The following ENOX1 variants were observed in gnomAD, a reference collection of about 807,000 sequenced individuals.
The protein encoded by ENOX1 is ecto-NOX disulfide-thiol exchanger 1.
A neutral mutation model predicts 82.5 loss-of-function variants in ENOX1; 42 were observed. That is an observed-to-expected ratio of 0.51 (90% CI 0.40 to 0.66). The LOEUF (loss-of-function observed/expected upper bound fraction) is 0.66, where lower values mean the gene tolerates loss of function less well. Ranked by LOEUF, ENOX1 falls within the 30% of genes least tolerant of loss-of-function variation. The pLI is 0.00. For missense variants in ENOX1, 608 were observed against 811.6 expected (o/e 0.75, Z 3.05); for synonymous variants, 271 against 282.2 (o/e 0.96, Z 0.40).
intron 2 of ENOX1, among the ~76,000 whole-genome samples, chr13:43,640,577 A>T (rs993233234): frequency 6.6e-6 from 1 of 152,194 alleles, no homozygotes; most frequent in Non-Finnish European, 1.5e-5. Context: ...TAAAGTAGTT[A>T]CTTGAGTAAT....
At chr13:43,504,089 A>G (rs550299883) in intron 2 of ENOX1, among the ~76,000 whole-genome samples, 1 of 151,964 alleles carries the variant, frequency 6.6e-6, no homozygotes, top group South Asian at 2.1e-4. Flanking sequence ...AACATACTCA[A>G]CAGTACCAAT....
At chr13:43,764,322 G>A (rs1168086283) in intron 1 of ENOX1, among the ~76,000 whole-genome samples, 1 of 152,174 alleles carries the variant, frequency 6.6e-6, no homozygotes, top group Non-Finnish European at 1.5e-5. Flanking sequence ...GTTTGTGAAA[G>A]AAAACTCTGC....
At chr13:43,737,044 C>A (rs2089668123) in intron 1 of ENOX1, among the ~76,000 whole-genome samples, 1 of 152,198 alleles carries the variant, frequency 6.6e-6, no homozygotes, top group Non-Finnish European at 1.5e-5. Flanking sequence ...CAGCTTCATG[C>A]TTACATTTCT....
At chr13:43,661,532 T>C (rs891198018) in intron 2 of ENOX1, among the ~76,000 whole-genome samples, 2 of 152,192 alleles carry the variant, frequency 1.3e-5, no homozygotes, top group African/African-American at 4.8e-5. Flanking sequence ...AAGAGTAATG[T>C]TGTTAAAATG....
At chr13:43,547,473 G>A (rs1291516407) in intron 2 of ENOX1, 2 of 152,190 alleles carry the variant, frequency 1.3e-5, no homozygotes. Flanking sequence ...TTAACAATGT[G>A]TGAAGATAAA....
chr13:43,697,776 C>A (rs2086712283), intron 1 of ENOX1, among the ~76,000 whole-genome samples: 1 of 152,128 alleles, frequency 6.6e-6, no homozygotes, highest in African/African-American at 2.4e-5. Flanking sequence ...ATACGAGTAA[C>A]CAGAAGTAAC....
intron 11 of ENOX1, among the ~76,000 whole-genome samples, chr13:43,306,765 A>C (rs762106566): frequency 1.3e-4 from 20 of 152,168 alleles, no homozygotes; most frequent in Non-Finnish European, 2.5e-4. Flanking sequence ...TCTAATTTTC[A>C]TCAAGAAACT....
chr13:43,365,960 C>G (rs974155587), intron 5 of ENOX1, among the ~76,000 whole-genome samples: 1 of 152,224 alleles, frequency 6.6e-6, no homozygotes, highest in African/African-American at 2.4e-5. Flanking sequence ...CTTCTTTTTC[C>G]AGAATTACTG....
At chr13:43,252,655 T>G (rs950400441) in intron 14 of ENOX1, among the ~76,000 whole-genome samples, 3 of 152,232 alleles carry the variant, frequency 2.0e-5, no homozygotes, top group Non-Finnish European at 4.4e-5. Context: ...AGGTGCAGTT[T>G]GCTGAATTTC....
chr13:43,501,477 T>C (rs1055943114), intron 2 of ENOX1, among the ~76,000 whole-genome samples: 4 of 151,774 alleles, frequency 2.6e-5, no homozygotes, highest in Admixed American at 1.3e-4. Flanking sequence ...CAAGTGCATA[T>C]AGAACATTCT....
intron 2 of ENOX1, among the ~76,000 whole-genome samples, chr13:43,557,081 A>G (rs917849306): frequency 6.6e-6 from 1 of 152,236 alleles, no homozygotes; most frequent in Non-Finnish European, 1.5e-5. Flanking sequence ...GTGGTAGGTC[A>G]GGACATTAGA....
chr13:43,221,412 T>C (rs1208231169), intron 16 of ENOX1, among the ~76,000 whole-genome samples: 1 of 152,218 alleles, frequency 6.6e-6, no homozygotes, highest in Non-Finnish European at 1.5e-5. Context: ...TTCTATGTAC[T>C]GATAGAAACC....
intron 1 of ENOX1, among the ~76,000 whole-genome samples, chr13:43,756,802 A>T (rs1950667879): frequency 6.6e-6 from 1 of 151,978 alleles, no homozygotes; most frequent in African/African-American, 2.4e-5. Context: ...CTCTAGTTAT[A>T]ACTGTCCCAC....
At chr13:43,768,040 T>C (rs1391553214) in intron 1 of ENOX1, among the ~76,000 whole-genome samples, 1 of 152,236 alleles carries the variant, frequency 6.6e-6, no homozygotes, top group East Asian at 1.9e-4. Flanking sequence ...ACTGGTTCTG[T>C]ATTACATAAC....
intron 12 of ENOX1, among the ~76,000 whole-genome samples, chr13:43,271,257 A>T (rs2044663270): frequency 6.6e-6 from 1 of 152,222 alleles, no homozygotes; most frequent in Non-Finnish European, 1.5e-5. Context: ...GGACATTAAT[A>T]ATCGTGTATC....
intron 9 of ENOX1, among the ~76,000 whole-genome samples, chr13:43,338,720 C>T (rs1038465813): frequency 3.4e-5 from 4 of 116,908 alleles, no homozygotes; most frequent in Non-Finnish European, 6.5e-5. Context: ...GAGTCTCGCT[C>T]TGTCACCCAG....
intron 5 of ENOX1, among the ~76,000 whole-genome samples, chr13:43,372,938 T>C (rs1317794100): frequency 6.7e-6 from 1 of 148,552 alleles, no homozygotes; most frequent in Non-Finnish European, 1.5e-5. Context: ...CGGTTCTTCA[T>C]CTGCAAAAAA....
intron 2 of ENOX1, among the ~76,000 whole-genome samples, chr13:43,486,608 T>C (rs1042971530): frequency 6.6e-6 from 1 of 152,182 alleles, no homozygotes; most frequent in African/African-American, 2.4e-5. Context: ...CTTAACTGTC[T>C]TGTAAAGAGA....
At chr13:43,616,100 A>ATATATAGATATCTATC (rs1566640263) in intron 2 of ENOX1, among the ~76,000 whole-genome samples, 1 of 57,798 alleles carries the variant, frequency 1.7e-5, no homozygotes, top group African/African-American at 4.7e-5. Flanking sequence ...ATATATCTAT[A>ATATATAGATATCTATC]TAGATAGATA....
Sources: gnomAD v4.1 joint callset for allele counts (sites outside exome capture counted in the v4.1 genomes callset) on GRCh38, gnomAD v4.1.1 for gene constraint, MANE v1.5 for transcripts, NCBI Gene and HGNC (gene_info 2026-07-23, HGNC 2026-07-21) for gene names.